The following KY variants were observed in gnomAD, a reference collection of about 807,000 sequenced individuals.
KY encodes the protein kyphoscoliosis peptidase.
A neutral mutation model predicts 76.1 loss-of-function variants in KY; 43 were observed. That is an observed-to-expected ratio of 0.57 (90% CI 0.44 to 0.73). The LOEUF is 0.73. Among genes scored for constraint, KY ranks in the 30% least tolerant of loss-of-function variants. The probability of loss-of-function intolerance (pLI) is 0.00; values close to 1 mark genes in which losing one functional copy is unlikely to be tolerated. For missense variants in KY, 722 were observed against 828.9 expected, an observed-to-expected ratio of 0.87 and a Z score of 1.58; for synonymous variants, 277 against 326.2, an observed-to-expected ratio of 0.85 and a Z score of 1.63.
rs1027035605 is a variant in KY at position 134,603,359 on chromosome 3, G to A, written c.*220C>T. ...TTACATAGCACCTTTTCCTTCTAAA[G>A]AGCCACTGCCTCTGCCCCCTCAGTC... On this transcript the variant is annotated 3_prime_UTR_variant, in exon 11 of 11. Coordinates refer to ENST00000423778, the MANE Select transcript of KY (RefSeq NM_178554.6). The A allele has an allele frequency of 6.9e-5, 33 of 477,008 alleles. No individual in the cohort carries two copies. Among genetic ancestry groups the A allele is most frequent in the African/African-American group, 6.3e-4 (32 of 51,066 alleles). The allele number at this position is 477,008 out of a possible 1,614,324, so 29.5% of individuals were successfully genotyped here. A position where few individuals can be genotyped will look rare whatever the true frequency, so the allele number is the denominator to read the frequency against.
At chr3:134,627,883 A>T in intron 4 of KY, 65 bp from the exon 5 acceptor site, 1 of 1,285,504 alleles carries the variant, frequency 7.8e-7, no homozygotes, top group South Asian at 1.2e-5. Flanking sequence ...AGCACTGATG[A>T]CTCACCTTCT....
intron 3 of KY, among the ~76,000 whole-genome samples, chr3:134,640,879 G>T (rs1965657368): frequency 6.6e-6 from 1 of 152,074 alleles, no homozygotes; most frequent in African/African-American, 2.4e-5. Flanking sequence ...TTCCAACCTT[G>T]CCCCCTCTGT....
Position 134,650,967 on chromosome 3 carries a change from G to C in KY, c.-7C>G, listed in dbSNP as rs761051797. 53 of 1,612,888 alleles carry C rather than the reference G, an allele frequency of 3.3e-5. No individual in the cohort carries two copies. The Admixed American group carries it at 8.8e-4, about 27-fold the overall frequency. On this transcript the variant is annotated 5_prime_UTR_variant, in exon 1 of 11. Coordinates refer to ENST00000423778, the MANE Select transcript of KY (RefSeq NM_178554.6). ...TGTCCTTCTTCAGCTCCATGATGCC[G>C]CCTCCTTTCCGACCTGGGCGCCGCG... is the stretch of plus-strand genomic sequence containing the variant.
intron 3 of KY, among the ~76,000 whole-genome samples, chr3:134,630,701 A>T (rs1383351971): frequency 1.3e-5 from 2 of 152,226 alleles, no homozygotes. Flanking sequence ...GTGCACATGC[A>T]GGGCAGATCT....
At chr3:134,645,706 C>A (rs770268342) in intron 2 of KY, among the ~76,000 whole-genome samples, 5 of 152,206 alleles carry the variant, frequency 3.3e-5, no homozygotes, top group Non-Finnish European at 7.3e-5. Context: ...CTCTGTCCAG[C>A]CCTGCATTTA....
chr3:134,631,103 A>G (rs1281589104), intron 3 of KY, among the ~76,000 whole-genome samples: 1 of 152,254 alleles, frequency 6.6e-6, no homozygotes, highest in Non-Finnish European at 1.5e-5. Context: ...AATACCCAAA[A>G]GTCTAACAGT....
intron 8 of KY, among the ~76,000 whole-genome samples, chr3:134,612,751 CTGTGTGTGTGTGTGTG>C (rs35084772): frequency 4.2e-4 from 53 of 125,484 alleles, no homozygotes; most frequent in East Asian, 3.8e-3. Flanking sequence ...CACGCCGATG[CTGTGTGTGTGTGTGTG>C]TGTGTGTGTG....
At chr3:134,628,846 C>T (rs962339471) in intron 4 of KY, among the ~76,000 whole-genome samples, 3 of 152,202 alleles carry the variant, frequency 2.0e-5, no homozygotes. Flanking sequence ...TCAGTCGACC[C>T]TAGAGCCTGC....
intron 3 of KY, among the ~76,000 whole-genome samples, chr3:134,634,937 A>G (rs1964725000): frequency 6.6e-6 from 1 of 152,226 alleles, no homozygotes; most frequent in South Asian, 2.1e-4. Context: ...TGGATCTCAT[A>G]TATTGCTAGT....
At chr3:134,616,784 G>A (rs1221012406) in intron 8 of KY, among the ~76,000 whole-genome samples, 2 of 152,130 alleles carry the variant, frequency 1.3e-5, no homozygotes, top group African/African-American at 4.8e-5. Flanking sequence ...AGAGTCTGTA[G>A]GAAAACTCCA....
chr3:134,608,151 C>A, intron 10 of KY: 3 of 1,145,480 alleles, frequency 2.6e-6, no homozygotes, highest in Non-Finnish European at 3.3e-6. Context: ...GATTCCAGCT[C>A]TGCTGAGGCC....
intron 2 of KY, among the ~76,000 whole-genome samples, chr3:134,645,739 G>A (rs927208462): frequency 1.3e-5 from 2 of 152,160 alleles, no homozygotes; most frequent in South Asian, 2.1e-4. Flanking sequence ...AGTTCTCATG[G>A]TGGTTTTGCA....
Position 134,600,379 on chromosome 3 carries a change from T to A in KY, c.*3200A>T, listed in dbSNP as rs1451455855. ...TAACAACAGGAAATAGTTCTTTATG[T>A]CTAGCCGAAATCCTTCATGCTTCAG... On this transcript the variant is annotated 3_prime_UTR_variant, in exon 11 of 11. Coordinates refer to ENST00000423778, the MANE Select transcript of KY (RefSeq NM_178554.6). Among the ~76,000 whole-genome samples the A allele has an allele frequency of 6.6e-6, 1 of 152,260 alleles. No individual in the cohort carries two copies. The highest frequency in any genetic ancestry group is 2.1e-4 in the South Asian group (1 of 4,838).
rs1958903076 is a variant in KY at position 134,600,204 on chromosome 3, C to T, written c.*3375G>A. ...TTGCTGCAGGCAGACCAGGATATCTCAGGAATTAATTGGTTTGGAGAGGAG... is the reference window on the plus strand; with the variant it reads ...TTGCTGCAGGCAGACCAGGATATCTTAGGAATTAATTGGTTTGGAGAGGAG... On this transcript the variant is annotated 3_prime_UTR_variant, in exon 11 of 11. Transcript: ENST00000423778. 6.6e-6 allele frequency among the ~76,000 whole-genome samples: 1 copy of T among 152,186 alleles called. No individual in the cohort carries two copies. Among genetic ancestry groups the T allele is most frequent in the Admixed American group, 6.5e-5 (1 of 15,280 alleles).
chr3:134,606,616 G>A (rs1378642605), intron 10 of KY, among the ~76,000 whole-genome samples: 3 of 152,144 alleles, frequency 2.0e-5, no homozygotes, highest in East Asian at 3.8e-4. Flanking sequence ...TGTAGTGTCC[G>A]AACTCCTTGC....
intron 4 of KY, among the ~76,000 whole-genome samples, chr3:134,628,373 CA>C (rs1963748851): frequency 6.6e-6 from 1 of 152,124 alleles, no homozygotes; most frequent in Admixed American, 6.5e-5. Flanking sequence ...ACTCCCTGGG[CA>C]AAAGGAAAGG....
In KY at chr3:134,603,271, G is replaced by GCAACAACAACAA; in HGVS notation, c.*307_*308insTTGTTGTTGTTG. 4 of 225,936 alleles carry GCAACAACAACAA rather than the reference G, an allele frequency of 1.8e-5. No individual in the cohort carries two copies. The highest frequency in any genetic ancestry group is 2.6e-5 in the Non-Finnish European group (3 of 116,560). 14.0% of individuals were successfully genotyped at this position (225,936 alleles called of 1,614,324 possible). On this transcript the variant is annotated 3_prime_UTR_variant, in exon 11 of 11. Transcript: ENST00000423778. ...CATCAACCCTACAGCAACAACAACAGCAGCAGCACTAATACGAGAAGGGGC... is the reference window on the plus strand; with the variant it reads ...CATCAACCCTACAGCAACAACAACAGCAACAACAACAACAGCAGCACTAATACGAGAAGGGGC...
chr3:134,643,248 G>A (rs571805159), intron 3 of KY, 68 bp downstream of exon 3: 16 of 1,486,886 alleles, frequency 1.1e-5, no homozygotes, highest in East Asian at 6.8e-5. Context: ...CTGGGCTGTC[G>A]CTGGCCAGAG....
rs777136949 is a variant in KY at position 134,647,325 on chromosome 3, G to A, written c.199+110C>T. 6.9e-5 allele frequency: 60 copies of A among 866,934 alleles called. 1 individual carries two copies. The highest frequency in any genetic ancestry group is 4.0e-4 in the Admixed American group (17 of 42,154). The allele number at this position is 866,934 out of a possible 1,614,324, so 53.7% of individuals were successfully genotyped here. A position where few individuals can be genotyped will look rare whatever the true frequency, so the allele number is the denominator to read the frequency against. The stretch of plus-strand genomic sequence containing the variant: ...GCTGGGTCAGGAGCAGCCACTTTCC[G>A]TTCAGTGGTTAGATGTCTAGGGCTA... On this transcript the variant is annotated intron_variant, in intron 2 of 10. Transcript: ENST00000423778.
Sources: allele counts gnomAD v4.1 joint callset (sites outside exome capture counted in the v4.1 genomes callset), GRCh38; gene constraint gnomAD v4.1.1; transcripts MANE v1.5; gene names NCBI Gene and HGNC (gene_info 2026-07-23, HGNC 2026-07-21).